The following GPR155 variants were observed in gnomAD, a reference collection of about 807,000 sequenced individuals.
The protein encoded by GPR155 is G protein-coupled receptor 155, also known as lysosomal cholesterol signaling protein.
A neutral mutation model predicts 93.1 loss-of-function variants in GPR155; 65 were observed. The observed-to-expected ratio is 0.70, with a 90% confidence interval of 0.57 to 0.86. The LOEUF (loss-of-function observed/expected upper bound fraction) is 0.86. Ranked by LOEUF, GPR155 falls within the 40% of genes least tolerant of loss-of-function variation. The probability of loss-of-function intolerance (pLI) is 0.00; values close to 1 mark genes in which losing one functional copy is unlikely to be tolerated. For synonymous variants in GPR155, 319 were observed against 360.1 expected (o/e 0.89, Z 1.29); for missense variants, 838 against 1,034.8 (o/e 0.81, Z 2.61).
chr2:174,486,244 C>G lies in GPR155; in HGVS notation c.-32+629G>C, dbSNP rs138488814. ...GGTAGGGAGCGCTGAGCACTGCCTCCTTGCCTCGTCTGCAGGGACAGACTG... is the reference window on the plus strand; with the variant it reads ...GGTAGGGAGCGCTGAGCACTGCCTCGTTGCCTCGTCTGCAGGGACAGACTG... On this transcript the variant is annotated intron_variant, in intron 1 of 15. Coordinates refer to ENST00000392552, the MANE Select transcript of GPR155 (RefSeq NM_152529.7). Among the ~76,000 whole-genome samples the G allele has an allele frequency of 3.7e-3, 566 of 152,270 alleles. 2 individuals carry two copies. The highest frequency in any genetic ancestry group is 6.0e-3 in the Non-Finnish European group (407 of 67,992).
At position 174,434,793 on chromosome 2, in the gene GPR155, CT is replaced by C. The variant is rs35253539; in HGVS notation, c.*1322del. ...GGTATTCTTTTTTCTTTTTCTTTTT[CT>C]TTTTTTTTTTTTTTAGTACAGACCG... On this transcript the variant is annotated 3_prime_UTR_variant, in exon 16 of 16. Coordinates refer to ENST00000392552, the MANE Select transcript of GPR155 (RefSeq NM_152529.7). 0.46 allele frequency: 65,554 copies of C among 140,994 alleles called. 16,419 individuals carry two copies. Among genetic ancestry groups the C allele is most frequent in the African/African-American group, 0.66 (25,212 of 37,940 alleles). 8.7% of individuals were successfully genotyped at this position (140,994 alleles called of 1,614,324 possible). A position where few individuals can be genotyped will look rare whatever the true frequency, so the allele number is the denominator to read the frequency against.
intron 4 of GPR155, 95 bp downstream of exon 4, chr2:174,470,295 C>T: frequency 2.0e-6 from 2 of 1,019,180 alleles, no homozygotes; most frequent in Non-Finnish European, 1.4e-6. Context: ...TCTATTTTTT[C>T]ATTTTTAAAA....
At chr2:174,472,815 A>G (rs1688034109) in intron 3 of GPR155, 150 bp downstream of exon 3, 1 of 599,532 alleles carries the variant, frequency 1.7e-6, no homozygotes, top group African/African-American at 1.9e-5. Flanking sequence ...TCCACAATAC[A>G]CCATCACATT....
intron 10 of GPR155, among the ~76,000 whole-genome samples, chr2:174,458,916 C>T (rs1325933784): frequency 6.6e-6 from 1 of 151,898 alleles, no homozygotes; most frequent in Non-Finnish European, 1.5e-5. Flanking sequence ...GGTGAAACCC[C>T]ATCTCTACTA....
intron 2 of GPR155, among the ~76,000 whole-genome samples, chr2:174,476,649 A>AC (rs1324706181): frequency 2.0e-5 from 3 of 151,988 alleles, no homozygotes; most frequent in Admixed American, 2.0e-4. Context: ...TTTAACATCC[A>AC]CAGTCCAGTC....
chr2:174,480,136 T>C (rs1392981257), intron 2 of GPR155, among the ~76,000 whole-genome samples: 1 of 152,194 alleles, frequency 6.6e-6, no homozygotes, highest in African/African-American at 2.4e-5. Flanking sequence ...TAGATTTCAA[T>C]TGTATCCTTC....
intron 10 of GPR155, among the ~76,000 whole-genome samples, chr2:174,454,539 C>T (rs1348476598): frequency 6.6e-6 from 1 of 151,846 alleles, no homozygotes; most frequent in African/African-American, 2.4e-5. Context: ...GGCTATAGTA[C>T]AGCTTCTTGG....
At chr2:174,457,155 T>C (rs1687542595) in intron 10 of GPR155, among the ~76,000 whole-genome samples, 1 of 151,970 alleles carries the variant, frequency 6.6e-6, no homozygotes, top group Non-Finnish European at 1.5e-5. Flanking sequence ...CTACTAAAAA[T>C]ACAAAAATTA....
At chr2:174,485,503 A>G (rs1018865891) in intron 1 of GPR155, among the ~76,000 whole-genome samples, 1 of 151,674 alleles carries the variant, frequency 6.6e-6, no homozygotes, top group African/African-American at 2.4e-5. Context: ...AAGCTGAGGC[A>G]GGAGAATCTC....
At chr2:174,443,104 C>A (rs1186164570) in intron 13 of GPR155, among the ~76,000 whole-genome samples, 1 of 152,106 alleles carries the variant, frequency 6.6e-6, no homozygotes, top group Non-Finnish European at 1.5e-5. Context: ...GATTTTTCAA[C>A]TCAGTATTTT....
At chr2:174,455,164 G>A (rs867257012) in intron 10 of GPR155, among the ~76,000 whole-genome samples, 7 of 151,764 alleles carry the variant, frequency 4.6e-5, no homozygotes, top group Middle Eastern at 3.4e-3. Context: ...GCAACAGAGC[G>A]AGACTCCATC....
chr2:174,456,286 G>C (rs1417049691), intron 10 of GPR155, among the ~76,000 whole-genome samples: 1 of 151,808 alleles, frequency 6.6e-6, no homozygotes, highest in Admixed American at 6.6e-5. Context: ...CTGTGACCCA[G>C]GAATTACCAT....
Position 174,485,421 on chromosome 2 carries a change from AC to A in GPR155, c.-32+1451del, listed in dbSNP as rs1035381782. On this transcript the variant is annotated intron_variant, in intron 1 of 15. Coordinates refer to ENST00000392552, the MANE Select transcript of GPR155 (RefSeq NM_152529.7). ...AGACCAGCCTGGCCAGCATGGTGAA[AC>A]CCTGTCTCTACTAAAAAGACAAAAA... is the stretch of plus-strand genomic sequence containing the variant. Among the ~76,000 whole-genome samples, 3 of 152,250 alleles carry A rather than the reference AC, an allele frequency of 2.0e-5. 1 individual carries two copies. Among genetic ancestry groups the A allele is most frequent in the African/African-American group, 7.2e-5 (3 of 41,554 alleles).
chr2:174,453,842 C>G lies in GPR155; in HGVS notation c.1772-1G>C, dbSNP rs777632258. 2.5e-6 allele frequency: 4 copies of G among 1,597,304 alleles called. No individual in the cohort carries two copies. Among genetic ancestry groups the G allele is most frequent in the Non-Finnish European group, 3.4e-6 (4 of 1,165,072 alleles). ...TTTCCCATGGAGCAGGAGCAGCAAC[C>G]TATATCAATCAAATAGTATGTGAGA... On this transcript the variant is annotated splice_acceptor_variant, in intron 10 of 15. Coordinates refer to ENST00000392552, the MANE Select transcript of GPR155 (RefSeq NM_152529.7). LOFTEE classifies it high-confidence loss of function.
intron 2 of GPR155, among the ~76,000 whole-genome samples, chr2:174,478,656 A>G (rs1688235300): frequency 6.6e-6 from 1 of 152,136 alleles, no homozygotes; most frequent in Admixed American, 6.5e-5. Context: ...TTGTTCATTA[A>G]CTTATATGTC....
At chr2:174,481,415 G>A (rs1688315188) in intron 2 of GPR155, 82 bp downstream of exon 2, 2 of 798,120 alleles carry the variant, frequency 2.5e-6, no homozygotes, top group Admixed American at 4.9e-5. Flanking sequence ...TTAGATATGA[G>A]AGTAAGAATC....
chr2:174,432,188 T>C lies in GPR155; in HGVS notation c.*3928A>G, dbSNP rs546030786. 6.5e-6 allele frequency: 1 copy of C among 152,772 alleles called. No homozygotes were observed. Among genetic ancestry groups the C allele is most frequent in the South Asian group, 2.1e-4 (1 of 4,834 alleles). 9.5% of individuals were successfully genotyped at this position (152,772 alleles called of 1,614,324 possible). A position where few individuals can be genotyped will look rare whatever the true frequency, so the allele number is the denominator to read the frequency against. On this transcript the variant is annotated 3_prime_UTR_variant, in exon 16 of 16. Transcript: ENST00000392552. Reference sequence around the variant, plus strand: ...ATTGAGAATGTATAGAAAAGACCTCTATGATGGCTTCTGCATTATTCAGAT... The same window carrying C: ...ATTGAGAATGTATAGAAAAGACCTCCATGATGGCTTCTGCATTATTCAGAT...
Position 174,434,420 on chromosome 2 carries a change from C to G in GPR155, c.*1696G>C. On this transcript the variant is annotated 3_prime_UTR_variant, in exon 16 of 16. Coordinates refer to ENST00000392552, the MANE Select transcript of GPR155 (RefSeq NM_152529.7). ...TGGCAATAATTTTGTTGATAAAATTCAAATTAATCTACTCAAATTATTATT... is the reference window on the plus strand; with the variant it reads ...TGGCAATAATTTTGTTGATAAAATTGAAATTAATCTACTCAAATTATTATT... 1 of 151,214 alleles carries G rather than the reference C, an allele frequency of 6.6e-6. No individual in the cohort carries two copies. The highest frequency in any genetic ancestry group is 1.9e-4 in the East Asian group (1 of 5,168). The allele number at this position is 151,214 out of a possible 1,614,324, so 9.4% of individuals were successfully genotyped here. A position where few individuals can be genotyped will look rare whatever the true frequency, so the allele number is the denominator to read the frequency against.
At chr2:174,444,897 G>A (rs1687073296) in intron 13 of GPR155, among the ~76,000 whole-genome samples, 184 bp downstream of exon 13, 1 of 152,044 alleles carries the variant, frequency 6.6e-6, no homozygotes, top group Non-Finnish European at 1.5e-5. Context: ...ATAATAATTC[G>A]TCTCTACTAG....
Sources: allele counts gnomAD v4.1 joint callset (sites outside exome capture counted in the v4.1 genomes callset), GRCh38; gene constraint gnomAD v4.1.1; transcripts MANE v1.5; gene names NCBI Gene and HGNC (gene_info 2026-07-23, HGNC 2026-07-21).